The following LTBP2 variants were observed in gnomAD, a reference collection of about 807,000 sequenced individuals.
LTBP2 encodes the protein latent transforming growth factor beta binding protein 2.
Under a neutral mutation model 210.6 loss-of-function variants are expected in LTBP2, and 103 were observed. The observed-to-expected ratio is 0.49, with a 90% CI of 0.42 to 0.58. The LOEUF (loss-of-function observed/expected upper bound fraction) is 0.58. LTBP2 is among the 20% of genes least tolerant of loss of function. The pLI, the probability that LTBP2 is intolerant of heterozygous loss-of-function variation, is 0.00. For synonymous variants in LTBP2, 1,007 were observed against 1,015.0 expected (o/e 0.99, Z 0.15); for missense variants, 2,313 against 2,494.5 (o/e 0.93, Z 1.55).
chr14:74,534,897 AGAGG>A (rs1273432386), intron 9 of LTBP2, among the ~76,000 whole-genome samples: 1 of 152,108 alleles, frequency 6.6e-6, no homozygotes, highest in Non-Finnish European at 1.5e-5. Flanking sequence ...GGGGCTCAGT[AGAGG>A]GAGGGCAGAG....
At chr14:74,509,071 C>T in intron 22 of LTBP2, 119 bp from the exon 23 acceptor site, 1 of 1,566,822 alleles carries the variant, frequency 6.4e-7, no homozygotes. Flanking sequence ...CACGGGGGAT[C>T]ATCCCCTCAT....
intron 1 of LTBP2, 102 bp downstream of exon 1, chr14:74,611,349 G>T (rs2088604637): frequency 1.6e-6 from 2 of 1,280,408 alleles, no homozygotes; most frequent in South Asian, 4.0e-5. Context: ...ACAGAGGGAC[G>T]AGGGTATGAG....
At chr14:74,540,822 T>TATA (rs1253529515) in intron 8 of LTBP2, among the ~76,000 whole-genome samples, 7 of 67,590 alleles carry the variant, frequency 1.0e-4, no homozygotes, top group South Asian at 7.8e-4. Flanking sequence ...ATATATATAT[T>TATA]TTTATATAAT....
rs1410659796 is a variant in LTBP2 at position 74,611,693 on chromosome 14, G to T, written c.252C>A (p.Pro84=). The T allele has an allele frequency of 5.1e-6, 8 of 1,581,908 alleles. No homozygotes were observed. The highest frequency in any genetic ancestry group is 6.0e-6 in the Non-Finnish European group (7 of 1,170,432). Residue 84 remains proline, a synonymous_variant, in exon 1 of 36, where the codon CCC becomes CCA. Transcript: ENST00000261978. ...EQDAPVAGLQ[P]VERAQPGWGS... is the part of the protein sequence containing the mutation. ...CCCAGCCCGGCTGGGCCCGCTCCAC[G>T]GGCTGCAAGCCCGCGACAGGCGCGT...
chr14:74,512,676 G>A (rs1011569735), intron 18 of LTBP2, among the ~76,000 whole-genome samples: 24 of 152,232 alleles, frequency 1.6e-4, no homozygotes, highest in African/African-American at 5.1e-4. Flanking sequence ...CGGGGACATC[G>A]CCACAGGGCA....
chr14:74,573,303 G>A (rs1303702663), intron 3 of LTBP2, among the ~76,000 whole-genome samples: 2 of 152,196 alleles, frequency 1.3e-5, no homozygotes, highest in Non-Finnish European at 2.9e-5. Flanking sequence ...CTCCTCACAG[G>A]GTCATGGCAA....
At chr14:74,601,059 C>G (rs2088438855) in intron 2 of LTBP2, among the ~76,000 whole-genome samples, 2 of 152,302 alleles carry the variant, frequency 1.3e-5, no homozygotes, top group African/African-American at 4.8e-5. Context: ...ACCTGGGATG[C>G]TGTTAAAAAA....
At chr14:74,503,794 C>T in intron 31 of LTBP2, 132 bp downstream of exon 31, 1 of 1,435,304 alleles carries the variant, frequency 7.0e-7, no homozygotes, top group Non-Finnish European at 9.5e-7. Context: ...CACCTGGGAC[C>T]AGCCTGCTGC....
chr14:74,602,888 T>A (rs1476383593), intron 2 of LTBP2, among the ~76,000 whole-genome samples: 1 of 152,230 alleles, frequency 6.6e-6, no homozygotes, highest in African/African-American at 2.4e-5. Context: ...CCAGGGCCAT[T>A]GGGCCAGGGG....
chr14:74,600,368 G>A (rs1298808910), intron 2 of LTBP2, among the ~76,000 whole-genome samples: 3 of 152,254 alleles, frequency 2.0e-5, no homozygotes, highest in South Asian at 4.1e-4. Flanking sequence ...AGGGTGAGAC[G>A]GCCAGGGAGA....
intron 3 of LTBP2, among the ~76,000 whole-genome samples, chr14:74,565,824 C>G (rs2087895175): frequency 6.6e-6 from 1 of 152,202 alleles, no homozygotes; most frequent in African/African-American, 2.4e-5. Flanking sequence ...GGGGCGTTAA[C>G]TCTGCCAACG....
At position 74,505,150 on chromosome 14, in the gene LTBP2, G is replaced by T. The variant is rs760340005; in HGVS notation, c.4202C>A (p.Thr1401Lys). 4 of 1,613,408 alleles carry T rather than the reference G, an allele frequency of 2.5e-6. No homozygotes were observed. In the Admixed American group the frequency reaches 5.0e-5, roughly 20 times the overall value. The change falls in exon 29 of 36, where the codon ACG becomes AAG. Residue 1401 changes from threonine to lysine, a missense_variant. By Grantham distance (78) the Thr-to-Lys change is moderately conservative. Around this residue, in one of 3 missense-constraint regions of LTBP2, gnomAD observed 1,867 missense variants for 1,976.9 expected, o/e 0.94. Coordinates refer to ENST00000261978, the MANE Select transcript of LTBP2 (RefSeq NM_000428.3). ...AGGQSMSEAP[T>K]GDHAPAPTRM... The stretch of plus-strand genomic sequence containing the variant: ...GGTGGGGGCCGGGGCATGGTCCCCC[G>T]TTGGGGCCTCAGACATACTCTGACC...
chr14:74,502,850 C>T lies in LTBP2; in HGVS notation c.4973G>A (p.Gly1658Asp). The part of the protein sequence containing the change: ...GVHFRPGYEY[G>D]PGPDDLHYSI... ...GTAGTGCAGGTCATCGGGCCCGGGG[C>T]CATACTCATAGCCTGGCCGGAAGTG... is the stretch of plus-strand genomic sequence containing the variant. Residue 1658 changes from glycine (G) to aspartate (D), a missense_variant, in exon 34 of 36, where the codon GGC (glycine) becomes GAC (aspartate). By Grantham distance (94) the Gly-to-Asp change is moderately conservative. This residue lies in a region of LTBP2 where 443 missense variants were observed against 501.4 expected (regional missense o/e 0.88). Coordinates refer to ENST00000261978, the MANE Select transcript of LTBP2 (RefSeq NM_000428.3). 1 of 1,614,048 alleles carries T rather than the reference C, an allele frequency of 6.2e-7. No homozygotes were observed. Among genetic ancestry groups the T allele is most frequent in the Non-Finnish European group, 8.5e-7 (1 of 1,180,008 alleles).
At chr14:74,582,612 A>G (rs539197862) in intron 3 of LTBP2, among the ~76,000 whole-genome samples, 59 of 152,286 alleles carry the variant, frequency 3.9e-4, no homozygotes, top group South Asian at 1.4e-3. Flanking sequence ...TCAGGTGGAC[A>G]CTATTGGCTC....
Position 74,500,828 on chromosome 14 carries a change from C to T in LTBP2, c.*56G>A. 3 of 1,609,364 alleles carry T rather than the reference C, an allele frequency of 1.9e-6. No homozygotes were observed. Among genetic ancestry groups the T allele is most frequent in the Non-Finnish European group, 2.5e-6 (3 of 1,177,290 alleles). ...CCCAGCTAGGAAATCATCCTCAAGG[C>T]CCCTGCCTGTGACTGGAGGCCATTT... On this transcript the variant is annotated 3_prime_UTR_variant, in exon 36 of 36. Coordinates refer to ENST00000261978, the MANE Select transcript of LTBP2 (RefSeq NM_000428.3).
At position 74,506,895 on chromosome 14, in the gene LTBP2, G is replaced by A. The variant is rs1267691757; in HGVS notation, c.3908-72C>T. 3 of 1,597,446 alleles carry A rather than the reference G, an allele frequency of 1.9e-6. No individual in the cohort carries two copies. The Admixed American group carries it at 5.2e-5, about 28-fold the overall frequency. On this transcript the variant is annotated intron_variant, in intron 26 of 35. Coordinates refer to ENST00000261978, the MANE Select transcript of LTBP2 (RefSeq NM_000428.3). ...TGTGTGTGTGCGCGCGCGCGTGTGTGCTCACTCTCTCACACGCATGCACAC... is the reference window on the plus strand; with the variant it reads ...TGTGTGTGTGCGCGCGCGCGTGTGTACTCACTCTCTCACACGCATGCACAC...
At chr14:74,540,872 TATATA>T in intron 8 of LTBP2, among the ~76,000 whole-genome samples, 1 of 103,744 alleles carries the variant, frequency 9.6e-6, no homozygotes, top group Non-Finnish European at 1.9e-5. Context: ...TATATTTATA[TATATA>T]ATATATATAT....
chr14:74,500,919 C>T lies in LTBP2; in HGVS notation c.5431G>A (p.Glu1811Lys). 2 of 1,614,210 alleles carry T rather than the reference C, an allele frequency of 1.2e-6. No homozygotes were observed. The highest frequency in any genetic ancestry group is 1.7e-6 in the Non-Finnish European group (2 of 1,180,040). The change falls in exon 36 of 36, where the codon GAG (glutamate) becomes AAG (lysine). Residue 1811 changes from glutamate to lysine, a missense_variant. Transcript: ENST00000261978. Reference protein sequence around the residue: ...RCHCSPGYVAEAGPPHCTAKE With the variant: ...RCHCSPGYVAKAGPPHCTAKE ...GCAGTGCAGTGGGGGGGCCCTGCCT[C>T]AGCCACATATCCCGGGGAGCAGTGG...
chr14:74,564,084 TA>T (rs1313876407), intron 3 of LTBP2, among the ~76,000 whole-genome samples: 1 of 48,656 alleles, frequency 2.1e-5, no homozygotes, highest in African/African-American at 9.0e-5. Context: ...TTTATATATA[TA>T]TTTATATATA....
Sources: allele counts gnomAD v4.1 joint callset (sites outside exome capture counted in the v4.1 genomes callset), GRCh38; gene constraint gnomAD v4.1.1; regional missense constraint gnomAD v4.1.1; transcripts MANE v1.5; gene names NCBI Gene and HGNC (gene_info 2026-07-23, HGNC 2026-07-21).